Variants in KCND3 observed in about 807,000 individuals in gnomAD.
KCND3 encodes the protein potassium voltage-gated channel subfamily D member 3.
In KCND3, 9 loss-of-function variants were observed where a neutral mutation model predicts 51.1. That is an observed-to-expected ratio of 0.18 (90% CI 0.11 to 0.31). The LOEUF (loss-of-function observed/expected upper bound fraction) is 0.31, where lower values mean the gene tolerates loss of function less well. Ranked by LOEUF, KCND3 falls within the 10% of genes least tolerant of loss-of-function variation. The pLI, the probability that KCND3 is intolerant of heterozygous loss-of-function variation, is 1.00. For synonymous variants in KCND3, 349 were observed against 368.0 expected (o/e 0.95, Z 0.59); for missense variants, 526 against 903.8 (o/e 0.58, Z 5.36).
At chr1:111,885,761 C>T (rs1450502530) in intron 2 of KCND3, among the ~76,000 whole-genome samples, 2 of 152,104 alleles carry the variant, frequency 1.3e-5, no homozygotes, top group Non-Finnish European at 2.9e-5. Flanking sequence ...CAACCTCCGC[C>T]TTCTGGTTTC....
chr1:111,965,489 C>CACA (rs1553184421), intron 2 of KCND3, among the ~76,000 whole-genome samples: 1 of 150,056 alleles, frequency 6.7e-6, no homozygotes, highest in Admixed American at 6.6e-5. Context: ...CACACACACA[C>CACA]GCCAGGAGCA....
chr1:111,936,347 G>T (rs1040101855), intron 2 of KCND3, among the ~76,000 whole-genome samples: 1 of 152,148 alleles, frequency 6.6e-6, no homozygotes, highest in African/African-American at 2.4e-5. Context: ...GCAGACCCTA[G>T]AACAGATTAA....
intron 2 of KCND3, among the ~76,000 whole-genome samples, chr1:111,820,827 A>AGC (rs1553242654): frequency 2.0e-5 from 3 of 152,110 alleles, no homozygotes; most frequent in African/African-American, 7.2e-5. Flanking sequence ...ACACAGACAC[A>AGC]GGGGGGTGAC....
At chr1:111,972,141 T>C (rs1022843303) in intron 2 of KCND3, among the ~76,000 whole-genome samples, 6 of 151,870 alleles carry the variant, frequency 4.0e-5, no homozygotes, top group Non-Finnish European at 8.8e-5. Flanking sequence ...TTACTGCTTA[T>C]CTCTAGCTAT....
At position 111,936,846 on chromosome 1, in the gene KCND3, T is replaced by C. The variant is rs997636442; in HGVS notation, c.1106+44775A>G. The stretch of plus-strand genomic sequence containing the variant: ...CCATCTAGACACTGGGCTTTTCTGT[T>C]CACTGCATCTCCAGTGCCTAGCACA... On this transcript the variant is annotated intron_variant, in intron 2 of 7. Transcript: ENST00000302127. Among the ~76,000 whole-genome samples, 53 of 152,214 alleles carry C rather than the reference T, an allele frequency of 3.5e-4. 2 individuals carry two copies. The highest frequency in any genetic ancestry group is 3.5e-3 in the Admixed American group (53 of 15,284).
intron 2 of KCND3, among the ~76,000 whole-genome samples, chr1:111,793,285 C>T (rs1253552176): frequency 6.6e-6 from 1 of 151,606 alleles, no homozygotes; most frequent in Non-Finnish European, 1.5e-5. Flanking sequence ...ATGCCATTCT[C>T]CTGCCTCAGC....
chr1:111,823,781 G>T (rs972902175), intron 2 of KCND3, among the ~76,000 whole-genome samples: 3 of 152,134 alleles, frequency 2.0e-5, no homozygotes, highest in African/African-American at 7.2e-5. Flanking sequence ...CTAGTTAGCA[G>T]CCCAGGCAGA....
At chr1:111,817,058 G>T (rs1308139550) in intron 2 of KCND3, among the ~76,000 whole-genome samples, 2 of 152,142 alleles carry the variant, frequency 1.3e-5, no homozygotes, top group African/African-American at 4.8e-5. Context: ...GAGTAGTTTA[G>T]TGGTGAATTC....
At chr1:111,926,449 C>A (rs1671701889) in intron 2 of KCND3, among the ~76,000 whole-genome samples, 1 of 152,244 alleles carries the variant, frequency 6.6e-6, no homozygotes. Context: ...TGGGAACTGG[C>A]AGGCCTGGGG....
At chr1:111,963,000 T>C (rs1224379046) in intron 2 of KCND3, among the ~76,000 whole-genome samples, 1 of 152,136 alleles carries the variant, frequency 6.6e-6, no homozygotes, top group African/African-American at 2.4e-5. Context: ...CTGGATGATG[T>C]GAGACAACAG....
chr1:111,838,959 T>C lies in KCND3; in HGVS notation c.1107-51853A>G, dbSNP rs998330082. Among the ~76,000 whole-genome samples, 14 of 152,072 alleles carry C rather than the reference T, an allele frequency of 9.2e-5. 2 individuals carry two copies. The highest frequency in any genetic ancestry group is 7.2e-4 in the Admixed American group (11 of 15,266). On this transcript the variant is annotated intron_variant, in intron 2 of 7. Coordinates refer to ENST00000302127, the MANE Select transcript of KCND3 (RefSeq NM_001378969.1). ...TTCCCCTTGGGTTCTAAAAAAAAAATACCCTACTAGGAAAAGGAAATCATT... is the reference window on the plus strand; with the variant it reads ...TTCCCCTTGGGTTCTAAAAAAAAAACACCCTACTAGGAAAAGGAAATCATT...
At chr1:111,959,151 C>T (rs963183109) in intron 2 of KCND3, among the ~76,000 whole-genome samples, 1 of 152,152 alleles carries the variant, frequency 6.6e-6, no homozygotes, top group African/African-American at 2.4e-5. Flanking sequence ...GTGTTGCATG[C>T]ACAGTTACTG....
chr1:111,894,720 T>A (rs1189704114), intron 2 of KCND3, among the ~76,000 whole-genome samples: 1 of 152,166 alleles, frequency 6.6e-6, no homozygotes, highest in Non-Finnish European at 1.5e-5. Context: ...CCAGCAGCCA[T>A]CTGGTCCCAA....
intron 2 of KCND3, among the ~76,000 whole-genome samples, chr1:111,802,246 T>C (rs536718530): frequency 7.2e-5 from 11 of 152,344 alleles, no homozygotes; most frequent in Middle Eastern, 3.4e-3. Flanking sequence ...ACTTCTGCCA[T>C]TGGGAACTCC....
intron 2 of KCND3, among the ~76,000 whole-genome samples, chr1:111,913,372 A>T (rs1671054176): frequency 6.6e-6 from 1 of 152,216 alleles, no homozygotes; most frequent in Non-Finnish European, 1.5e-5. Flanking sequence ...TTAGTGATGC[A>T]CGATTGTATA....
At chr1:111,887,032 G>C (rs2101751700) in intron 2 of KCND3, among the ~76,000 whole-genome samples, 1 of 152,262 alleles carries the variant, frequency 6.6e-6, no homozygotes, top group East Asian at 1.9e-4. Flanking sequence ...ACTCTGCCAG[G>C]GAAAGGAGTG....
At chr1:111,831,983 G>T (rs1361864379) in intron 2 of KCND3, among the ~76,000 whole-genome samples, 1 of 152,200 alleles carries the variant, frequency 6.6e-6, no homozygotes, top group Non-Finnish European at 1.5e-5. Flanking sequence ...TCCAGGCATG[G>T]TTATGGAAGC....
At chr1:111,914,025 A>G (rs1314915656) in intron 2 of KCND3, among the ~76,000 whole-genome samples, 2 of 152,240 alleles carry the variant, frequency 1.3e-5, no homozygotes, top group African/African-American at 2.4e-5. Flanking sequence ...GAATTAGCAT[A>G]CAAGAATGGT....
chr1:111,925,867 T>C (rs1450755997), intron 2 of KCND3, among the ~76,000 whole-genome samples: 1 of 152,090 alleles, frequency 6.6e-6, no homozygotes, highest in East Asian at 1.9e-4. Flanking sequence ...CCAGGGACTG[T>C]GCACAGGGGC....
Sources: allele counts gnomAD v4.1 joint callset (sites outside exome capture counted in the v4.1 genomes callset), GRCh38; gene constraint gnomAD v4.1.1; transcripts MANE v1.5; gene names NCBI Gene and HGNC (gene_info 2026-07-23, HGNC 2026-07-21).